The following ZNF385B variants were observed in gnomAD, a reference collection of about 807,000 sequenced individuals.
ZNF385B encodes zinc finger protein 533.
ZNF385B carries 23 observed loss-of-function variants against 39.2 expected under a neutral mutation model. That is an observed-to-expected ratio of 0.59 (90% CI 0.42 to 0.83). ZNF385B has a LOEUF of 0.83. ZNF385B is among the 40% of genes least tolerant of loss of function. The pLI is 0.00. For missense variants in ZNF385B, 552 were observed against 598.9 expected, an observed-to-expected ratio of 0.92 and a Z score of 0.82; for synonymous variants, 205 against 222.6, an observed-to-expected ratio of 0.92 and a Z score of 0.70.
intron 3 of ZNF385B, among the ~76,000 whole-genome samples, chr2:179,660,508 CTTATCT>C (rs1277251747): frequency 1.3e-5 from 2 of 152,012 alleles, no homozygotes; most frequent in African/African-American, 2.4e-5. Context: ...CTAATATTTG[CTTATCT>C]TTATTAATGT....
intron 1 of ZNF385B, among the ~76,000 whole-genome samples, chr2:179,853,682 A>G (rs897720525): frequency 6.6e-6 from 1 of 152,230 alleles, no homozygotes; most frequent in Admixed American, 6.5e-5. Context: ...ATTAAATTGT[A>G]TAATGTACAA....
chr2:179,704,352 TTAA>T (rs1181009462), intron 3 of ZNF385B, among the ~76,000 whole-genome samples: 1 of 152,218 alleles, frequency 6.6e-6, no homozygotes, highest in Non-Finnish European at 1.5e-5. Context: ...TAGAAAAATG[TTAA>T]TAGTAGTAAC....
chr2:179,779,828 T>C (rs938128732), intron 1 of ZNF385B, among the ~76,000 whole-genome samples: 10 of 152,192 alleles, frequency 6.6e-5, no homozygotes, highest in Admixed American at 4.6e-4. Flanking sequence ...TGTGAGGTAA[T>C]TGATATGTTA....
intron 3 of ZNF385B, among the ~76,000 whole-genome samples, chr2:179,584,705 A>G (rs79751544): frequency 0.033 from 5,064 of 152,218 alleles, 99 homozygotes; most frequent in Middle Eastern, 0.041. Context: ...TCAGTTTTGG[A>G]TATGTTGAAT....
At chr2:179,839,078 T>C (rs1045805644) in intron 1 of ZNF385B, among the ~76,000 whole-genome samples, 2 of 152,190 alleles carry the variant, frequency 1.3e-5, no homozygotes, top group African/African-American at 4.8e-5. Flanking sequence ...CTGAATTCTT[T>C]CTGGAGAATT....
At chr2:179,562,945 C>T (rs757561710) in intron 3 of ZNF385B, among the ~76,000 whole-genome samples, 11 of 152,232 alleles carry the variant, frequency 7.2e-5, no homozygotes, top group Non-Finnish European at 7.4e-5. Context: ...TCACAACAAA[C>T]TTTATTTATA....
chr2:179,737,678 T>G (rs1284213739), intron 3 of ZNF385B, among the ~76,000 whole-genome samples: 1 of 152,224 alleles, frequency 6.6e-6, no homozygotes, highest in East Asian at 1.9e-4. Flanking sequence ...AATTTCTGAT[T>G]ACATCATATT....
intron 4 of ZNF385B, among the ~76,000 whole-genome samples, chr2:179,535,627 C>A (rs1310638930): frequency 6.6e-6 from 1 of 152,102 alleles, no homozygotes; most frequent in Admixed American, 6.5e-5. Context: ...TATGCTAAAT[C>A]CCTCTGATAC....
At chr2:179,763,101 C>T (rs1703495684) in intron 3 of ZNF385B, among the ~76,000 whole-genome samples, 1 of 152,032 alleles carries the variant, frequency 6.6e-6, no homozygotes, top group Admixed American at 6.5e-5. Context: ...GGTGGAGTTT[C>T]ACCATGTTGG....
intron 3 of ZNF385B, among the ~76,000 whole-genome samples, chr2:179,580,281 T>C (rs1686337435): frequency 6.6e-6 from 1 of 152,126 alleles, no homozygotes; most frequent in African/African-American, 2.4e-5. Context: ...AACACTGCCA[T>C]TAAACCAGAG....
chr2:179,652,111 T>G (rs1018419919), intron 3 of ZNF385B, among the ~76,000 whole-genome samples: 13 of 152,044 alleles, frequency 8.6e-5, no homozygotes, highest in Non-Finnish European at 1.6e-4. Context: ...TTTTAAGATA[T>G]AGATTTGGAA....
At chr2:179,720,109 T>C (rs574389236) in intron 3 of ZNF385B, among the ~76,000 whole-genome samples, 46 of 152,188 alleles carry the variant, frequency 3.0e-4, no homozygotes, top group African/African-American at 1.0e-3. Flanking sequence ...GGAAACAACA[T>C]TGGGAGAGGG....
At chr2:179,814,491 A>G (rs1311383648) in intron 1 of ZNF385B, 1 of 611,088 alleles carries the variant, frequency 1.6e-6, no homozygotes, top group African/African-American at 1.9e-5. Flanking sequence ...TCCATGCACT[A>G]TCATGTTTTT....
intron 3 of ZNF385B, among the ~76,000 whole-genome samples, chr2:179,740,267 T>C (rs979632921): frequency 7.9e-5 from 12 of 152,152 alleles, no homozygotes; most frequent in African/African-American, 1.2e-4. Context: ...GGCAGTACTA[T>C]AGATCTCCAA....
At chr2:179,514,171 G>C (rs552008140) in intron 5 of ZNF385B, 2 of 152,460 alleles carry the variant, frequency 1.3e-5, no homozygotes, top group East Asian at 1.9e-4. Context: ...GAGGCTTTAA[G>C]GGAAAATCCA....
chr2:179,541,481 C>A (rs1288038148), intron 4 of ZNF385B, among the ~76,000 whole-genome samples: 1 of 152,078 alleles, frequency 6.6e-6, no homozygotes, highest in African/African-American at 2.4e-5. Flanking sequence ...CATCAAACCT[C>A]CAAAACTTTC....
intron 5 of ZNF385B, among the ~76,000 whole-genome samples, chr2:179,493,797 A>ATGTGTATATACATATATGTATACATG (rs2055824281): frequency 9.0e-6 from 1 of 110,858 alleles, no homozygotes; most frequent in African/African-American, 3.1e-5. Context: ...ATGTATACAT[A>ATGTGTATATACATATATGTATACATG]TATGTATATA....
At chr2:179,733,643 C>A (rs918411011) in intron 3 of ZNF385B, among the ~76,000 whole-genome samples, 2 of 152,114 alleles carry the variant, frequency 1.3e-5, no homozygotes, top group East Asian at 3.9e-4. Context: ...ATTAGCCGGG[C>A]GCGGTGGCGG....
intron 6 of ZNF385B, among the ~76,000 whole-genome samples, chr2:179,451,731 T>C (rs185085931): frequency 2.4e-3 from 363 of 152,232 alleles, no homozygotes; most frequent in African/African-American, 8.3e-3. Flanking sequence ...GTCACTGATA[T>C]ATTTATATAT....
Sources: allele counts gnomAD v4.1 joint callset (sites outside exome capture counted in the v4.1 genomes callset), GRCh38; gene constraint gnomAD v4.1.1; transcripts MANE v1.5; gene names NCBI Gene and HGNC (gene_info 2026-07-23, HGNC 2026-07-21).